Variants in RBBP7 observed in about 807,000 individuals in gnomAD.
The protein encoded by RBBP7 is RB binding protein 7, chromatin remodeling factor, also known as histone-binding protein RBBP7.
In RBBP7, 5 loss-of-function variants were observed where a neutral mutation model predicts 35.2. The ratio of observed to expected loss-of-function variants is 0.14; its 90% CI spans 0.07 to 0.30. RBBP7 has a LOEUF of 0.30. Ranked by LOEUF, RBBP7 falls within the 10% of genes least tolerant of loss-of-function variation. The probability of loss-of-function intolerance (pLI) is 1.00; values close to 1 mark genes in which losing one functional copy is unlikely to be tolerated. For synonymous variants in RBBP7, 140 were observed against 118.7 expected, an observed-to-expected ratio of 1.18 and a Z score of -1.17; for missense variants, 155 against 327.5, an observed-to-expected ratio of 0.47 and a Z score of 4.07.
intron 1 of RBBP7, 55 bp from the exon 2 acceptor site, chrX:16,869,275 A>G: frequency 8.6e-7 from 1 of 1,161,779 alleles, no homozygotes; most frequent in Non-Finnish European, 1.2e-6. Flanking sequence ...TCAAAGTCAG[A>G]AATTGGAGGT....
Position 16,863,079 on chromosome X carries a change from G to A in RBBP7, c.183C>T (p.Ala61=). 1 of 1,209,244 alleles carries A rather than the reference G, an allele frequency of 8.3e-7. No homozygotes were observed. The highest frequency in any genetic ancestry group is 1.1e-6 in the Non-Finnish European group (1 of 894,028). The change falls in exon 3 of 12, where the codon GCC becomes GCT. Residue 61 remains alanine (A), a synonymous_variant. Coordinates refer to ENST00000380087, the MANE Select transcript of RBBP7 (RefSeq NM_002893.4). ...GAGTCCCCAGCACTAGCCAATGAAG[G>A]GCATAATCTTTTCCTTCAGGTCTGT... is the stretch of plus-strand genomic sequence containing the variant. ...EVTKPEGKDY[A]LHWLVLGTHT...
At chrX:16,869,386 T>C (rs1930709446) in intron 1 of RBBP7, 166 bp from the exon 2 acceptor site, 7 of 1,057,778 alleles carry the variant, frequency 6.6e-6, no homozygotes, top group Non-Finnish European at 8.8e-6. Flanking sequence ...ATACTAACAA[T>C]CAGGAAGCCT....
rs1366856685 is a variant in RBBP7 at position 16,870,257 on chromosome X, T to C, written c.-204A>G. 8 of 434,925 alleles carry C rather than the reference T, an allele frequency of 1.8e-5. No homozygotes were observed. Among genetic ancestry groups the C allele is most frequent in the Non-Finnish European group, 2.4e-5 (8 of 329,247 alleles). 35.8% of individuals were successfully genotyped at this position (434,925 alleles called of 1,213,427 possible). Reference sequence around the variant, plus strand: ...CTCCCCGCTCGCGGGTACCGAGGTCTGAGGCGCTCTTCTCTCTCTCTCCAA... The same window carrying C: ...CTCCCCGCTCGCGGGTACCGAGGTCCGAGGCGCTCTTCTCTCTCTCTCCAA... On this transcript the variant is annotated 5_prime_UTR_variant, in exon 1 of 12. Coordinates refer to ENST00000380087, the MANE Select transcript of RBBP7 (RefSeq NM_002893.4).
intron 3 of RBBP7, 124 bp downstream of exon 3, chrX:16,862,831 T>C (rs2147525739): frequency 1.3e-6 from 1 of 787,734 alleles, no homozygotes; most frequent in East Asian, 3.3e-5. Flanking sequence ...TGGGAAGTTC[T>C]GTAGAATAAA....
chrX:16,847,507 C>A (rs1168075259), intron 10 of RBBP7: 1 of 109,996 alleles, frequency 9.1e-6, no homozygotes, highest in Non-Finnish European at 1.9e-5. Flanking sequence ...ATCACTGGGG[C>A]TTAGAAAACA....
At chrX:16,848,749 G>A (rs1249720767) in intron 10 of RBBP7, 1 of 111,872 alleles carries the variant, frequency 8.9e-6, no homozygotes, top group Admixed American at 9.5e-5. Context: ...ATGAGGATGG[G>A]CAGATACCAC....
chrX:16,867,840 G>T (rs1930663975), intron 2 of RBBP7, among the ~76,000 whole-genome samples: 1 of 106,379 alleles, frequency 9.4e-6, no homozygotes, highest in Non-Finnish European at 1.9e-5. Flanking sequence ...TGCCACGCCC[G>T]GTTTTTTTTT....
intron 9 of RBBP7, 125 bp from the exon 10 acceptor site, chrX:16,849,426 C>CTA (rs1241574940): frequency 1.2e-5 from 7 of 567,675 alleles, no homozygotes; most frequent in Non-Finnish European, 1.9e-5. Flanking sequence ...CAACTTATTT[C>CTA]TATACTACAA....
chrX:16,846,021 TC>T, intron 10 of RBBP7, 83 bp from the exon 11 acceptor site: 2 of 1,130,584 alleles, frequency 1.8e-6, no homozygotes, highest in Non-Finnish European at 2.3e-6. Context: ...TTTAGAGCTA[TC>T]AGTATTTCAA....
chrX:16,844,712 A>AAGTT lies in RBBP7; in HGVS notation c.*319_*322dup, dbSNP rs1930025256. The AAGTT allele has an allele frequency of 6.1e-6, 1 of 162,620 alleles. No individual in the cohort carries two copies. The highest frequency in any genetic ancestry group is 1.3e-4 in the East Asian group (1 of 7,885). The allele number at this position is 162,620 out of a possible 1,213,427, so 13.4% of individuals were successfully genotyped here. ...GAAGTGTTGGAAGGAAAAAGTGTAA[A>AAGTT]AGTTATTCTTGCATATTTGGGAACA... On this transcript the variant is annotated 3_prime_UTR_variant, in exon 12 of 12. Coordinates refer to ENST00000380087, the MANE Select transcript of RBBP7 (RefSeq NM_002893.4).
chrX:16,846,125 T>C, intron 10 of RBBP7, 187 bp from the exon 11 acceptor site: 1 of 669,153 alleles, frequency 1.5e-6, no homozygotes, highest in Non-Finnish European at 2.1e-6. Context: ...CCAGAATAGG[T>C]GACAGAATAT....
At chrX:16,847,429 C>A (rs1930107856) in intron 10 of RBBP7, 1 of 109,493 alleles carries the variant, frequency 9.1e-6, no homozygotes, top group Non-Finnish European at 1.9e-5. Flanking sequence ...TGAGATTGCA[C>A]CACTGCACTC....
chrX:16,851,842 T>C (rs972508372), intron 9 of RBBP7, among the ~76,000 whole-genome samples: 1 of 112,573 alleles, frequency 8.9e-6, no homozygotes, highest in African/African-American at 3.2e-5. Flanking sequence ...AAACTCACAC[T>C]AGAGAAATTT....
chrX:16,857,022 G>C (rs1324635813), intron 5 of RBBP7, among the ~76,000 whole-genome samples: 2 of 110,861 alleles, frequency 1.8e-5, no homozygotes, highest in Non-Finnish European at 3.8e-5. Context: ...TATGCTAAGT[G>C]AAAGAAGCCA....
At chrX:16,854,350 T>C (rs747157721) in intron 5 of RBBP7, among the ~76,000 whole-genome samples, 1 of 110,828 alleles carries the variant, frequency 9.0e-6, no homozygotes, top group South Asian at 3.8e-4. Flanking sequence ...GACACTCCAC[T>C]GTAATGAGGG....
At chrX:16,849,647 G>C (rs1216682471) in intron 9 of RBBP7, among the ~76,000 whole-genome samples, 1 of 111,884 alleles carries the variant, frequency 8.9e-6, no homozygotes, top group Admixed American at 9.5e-5. Context: ...AAATAAGTTA[G>C]AGTTGTTCAT....
rs367866935 is a variant in RBBP7 at position 16,845,012 on chromosome X, G to A, written c.*23C>T. On this transcript the variant is annotated 3_prime_UTR_variant, in exon 12 of 12. Transcript: ENST00000380087. ...CATTCATGTAGCATTACATTCAACA[G>A]AAACATTTCTCGTACTTTGGGTTTA... 80 of 1,186,447 alleles carry A rather than the reference G, an allele frequency of 6.7e-5. No individual in the cohort carries two copies. The African/African-American group carries it at 1.2e-3, about 18-fold the overall frequency.
At chrX:16,854,760 G>A (rs1403169672) in intron 5 of RBBP7, among the ~76,000 whole-genome samples, 2 of 108,604 alleles carry the variant, frequency 1.8e-5, no homozygotes, top group Non-Finnish European at 3.8e-5. Context: ...AGCCCAAGCA[G>A]AGGCCATGGG....
chrX:16,848,750 C>A (rs1401930745), intron 10 of RBBP7: 3 of 111,692 alleles, frequency 2.7e-5, no homozygotes, highest in Non-Finnish European at 5.6e-5. Flanking sequence ...TGAGGATGGG[C>A]AGATACCACC....
Sources: gnomAD v4.1 joint callset for allele counts (sites outside exome capture counted in the v4.1 genomes callset) on GRCh38, gnomAD v4.1.1 for gene constraint, MANE v1.5 for transcripts, NCBI Gene and HGNC (gene_info 2026-07-23, HGNC 2026-07-21) for gene names.